The following RANBP10 variants were observed in gnomAD, a reference collection of about 807,000 sequenced individuals.
RANBP10 encodes the protein RAN binding protein 10, also known as ran-binding protein 10.
A neutral mutation model predicts 72.8 loss-of-function variants in RANBP10; 24 were observed. The observed-to-expected ratio is 0.33, with a 90% CI of 0.24 to 0.46. The LOEUF is 0.46. Ranked by LOEUF, RANBP10 falls within the 20% of genes least tolerant of loss-of-function variation. The pLI is 1.00. For synonymous variants in RANBP10, 310 were observed against 322.3 expected, an observed-to-expected ratio of 0.96 and a Z score of 0.41; for missense variants, 679 against 817.5, an observed-to-expected ratio of 0.83 and a Z score of 2.07.
At position 67,746,208 on chromosome 16, in the gene RANBP10, A is replaced by T. The variant is rs1432563548; in HGVS notation, c.401-1753T>A. On this transcript the variant is annotated intron_variant, in intron 3 of 13. Coordinates refer to ENST00000317506, the MANE Select transcript of RANBP10 (RefSeq NM_020850.3). ...AAAAATGAGCCAGGTGTGGCTGGGCATGGTGGCTCGCACCTGTAATCCCAG... is the reference window on the plus strand; with the variant it reads ...AAAAATGAGCCAGGTGTGGCTGGGCTTGGTGGCTCGCACCTGTAATCCCAG... Among the ~76,000 whole-genome samples the T allele has an allele frequency of 2.6e-5, 4 of 151,274 alleles. No homozygotes were observed. The East Asian group carries it at 7.9e-4, about 30-fold the overall frequency.
intron 3 of RANBP10, among the ~76,000 whole-genome samples, chr16:67,745,559 T>C (rs1273805392): frequency 2.0e-5 from 3 of 151,850 alleles, no homozygotes; most frequent in African/African-American, 7.3e-5. Flanking sequence ...GGTCTTGAAC[T>C]CCTGACCTCA....
chr16:67,780,535 G>A (rs1246789893), intron 2 of RANBP10, among the ~76,000 whole-genome samples: 1 of 152,142 alleles, frequency 6.6e-6, no homozygotes, highest in African/African-American at 2.4e-5. Flanking sequence ...ATCATTGGAA[G>A]CCAGGAGTGC....
At chr16:67,787,098 G>C (rs2054930169) in intron 2 of RANBP10, among the ~76,000 whole-genome samples, 1 of 152,098 alleles carries the variant, frequency 6.6e-6, no homozygotes, top group Non-Finnish European at 1.5e-5. Flanking sequence ...AATTAGCCAG[G>C]CGTGGTGGCA....
rs9674157 is a variant in RANBP10, at chr16:67,750,923, C to T, written c.401-6468G>A. ...CTGGGACTACAGGCACCCGCCACCACGCCTGGCTAATTTTTTGTATTTTTA... is the reference window on the plus strand; with the variant it reads ...CTGGGACTACAGGCACCCGCCACCATGCCTGGCTAATTTTTTGTATTTTTA... On this transcript the variant is annotated intron_variant, in intron 3 of 13. Coordinates refer to ENST00000317506, the MANE Select transcript of RANBP10 (RefSeq NM_020850.3). 7.0e-3 allele frequency among the ~76,000 whole-genome samples: 1,070 copies of T among 152,156 alleles called. 15 individuals carry two copies. Among genetic ancestry groups the T allele is most frequent in the African/African-American group, 0.023 (959 of 41,514 alleles).
chr16:67,747,399 T>C (rs2054103249), intron 3 of RANBP10, among the ~76,000 whole-genome samples: 1 of 152,260 alleles, frequency 6.6e-6, no homozygotes, highest in African/African-American at 2.4e-5. Context: ...TGCACTTGTT[T>C]ATCGTATTGC....
At chr16:67,735,107 C>A in intron 5 of RANBP10, 65 bp from the exon 6 acceptor site, 1 of 1,415,254 alleles carries the variant, frequency 7.1e-7, no homozygotes, top group Non-Finnish European at 9.5e-7. Flanking sequence ...CCTCACCTCA[C>A]CTCCATGGCT....
chr16:67,776,783 G>GAAAAAAAAAAA (rs2054714327), intron 2 of RANBP10, among the ~76,000 whole-genome samples: 1 of 128,932 alleles, frequency 7.8e-6, no homozygotes, highest in African/African-American at 2.9e-5. Context: ...AAAAAAAAAA[G>GAAAAAAAAAAA]AAAAAGAAAA....
chr16:67,726,232 G>A lies in RANBP10; in HGVS notation c.*196C>T. On this transcript the variant is annotated 3_prime_UTR_variant, in exon 14 of 14. Transcript: ENST00000317506. ...GTTACAGGCCGCTGCACGTGAAGGG[G>A]AGAGAGAGAGAGACTGAGCGGGGTG... 1 of 554,646 alleles carries A rather than the reference G, an allele frequency of 1.8e-6. No homozygotes were observed. Among genetic ancestry groups the A allele is most frequent in the Non-Finnish European group, 3.0e-6 (1 of 338,750 alleles). 34.4% of individuals were successfully genotyped at this position (554,646 alleles called of 1,614,324 possible). A position where few individuals can be genotyped will look rare whatever the true frequency, so the allele number is the denominator to read the frequency against.
In RANBP10 at chr16:67,730,785, G is replaced by A. The variant is rs561428402; in HGVS notation, c.889+687C>T. 3.3e-5 allele frequency among the ~76,000 whole-genome samples: 5 copies of A among 152,272 alleles called. No homozygotes were observed. The highest frequency in any genetic ancestry group is 6.8e-3 in the Middle Eastern group (2 of 294). On this transcript the variant is annotated intron_variant, in intron 7 of 13. Transcript: ENST00000317506. This position sits in a 1 kb window ranked among gnomAD's most constrained non-coding sequence, Gnocchi z 4.3. ...ATACAGAAGAGACAGCAGGCTTGGAGAGGGGTAGGCAGGCACTCACAGACA... is the reference window on the plus strand; with the variant it reads ...ATACAGAAGAGACAGCAGGCTTGGAAAGGGGTAGGCAGGCACTCACAGACA...
intron 6 of RANBP10, 49 bp from the exon 7 acceptor site, chr16:67,731,633 A>C: frequency 5.7e-5 from 81 of 1,410,352 alleles, no homozygotes; most frequent in Non-Finnish European, 7.4e-5. Context: ...TGCACTTCTC[A>C]CTGACTACCC....
chr16:67,737,682 C>T (rs1253682112), intron 5 of RANBP10, among the ~76,000 whole-genome samples: 1 of 152,116 alleles, frequency 6.6e-6, no homozygotes, highest in African/African-American at 2.4e-5. Flanking sequence ...CTACACTCTG[C>T]ACCCCAGCTG....
Position 67,725,296 on chromosome 16 carries a change from G to T in RANBP10, c.*1132C>A, listed in dbSNP as rs1174965297. 1 of 152,412 alleles carries T rather than the reference G, an allele frequency of 6.6e-6. No individual in the cohort carries two copies. Among genetic ancestry groups the T allele is most frequent in the Non-Finnish European group, 1.5e-5 (1 of 68,132 alleles). 9.4% of individuals were successfully genotyped at this position (152,412 alleles called of 1,614,324 possible). On this transcript the variant is annotated 3_prime_UTR_variant, in exon 14 of 14. Coordinates refer to ENST00000317506, the MANE Select transcript of RANBP10 (RefSeq NM_020850.3). ...CAGCCCAAGAACCTGCCTCCACAAG[G>T]TACTGGTTTCTCAACAGAAAGCATC...
Position 67,727,629 on chromosome 16 carries a change from C to T in RANBP10, c.1620+122G>A. ...ATGTCCAGTGGGCCCAGATGCCCCA[C>T]TTCCCTCTGCAGACCTGGCTGGAGC... On this transcript the variant is annotated intron_variant, in intron 12 of 13. Transcript: ENST00000317506. 2.0e-6 allele frequency: 3 copies of T among 1,494,092 alleles called. No homozygotes were observed. In the Admixed American group the frequency reaches 5.8e-5, roughly 29 times the overall value. 92.6% of individuals were successfully genotyped at this position (1,494,092 alleles called of 1,614,324 possible).
At chr16:67,780,758 G>C (rs2054795785) in intron 2 of RANBP10, among the ~76,000 whole-genome samples, 1 of 152,188 alleles carries the variant, frequency 6.6e-6, no homozygotes, top group South Asian at 2.1e-4. Context: ...TTAATTTATT[G>C]GGTGGGGGAG....
rs766706950 is a variant in RANBP10, at chr16:67,731,415, G to A, written c.889+57C>T. The A allele has an allele frequency of 6.9e-6, 10 of 1,448,612 alleles. No individual in the cohort carries two copies. The Admixed American group carries it at 1.7e-4, about 24-fold the overall frequency. 89.7% of individuals were successfully genotyped at this position (1,448,612 alleles called of 1,614,324 possible). ...GGTTAACCAGGGTTGACATGAGCCA[G>A]AGAGCAGAGTTAGGGACAGGTGAGG... On this transcript the variant is annotated intron_variant, in intron 7 of 13. Coordinates refer to ENST00000317506, the MANE Select transcript of RANBP10 (RefSeq NM_020850.3).
chr16:67,796,264 G>A (rs1443950280), intron 2 of RANBP10, among the ~76,000 whole-genome samples: 1 of 152,264 alleles, frequency 6.6e-6, no homozygotes, highest in East Asian at 1.9e-4. Context: ...AACTACTGGT[G>A]CAAGTTGTTA....
At chr16:67,727,639 C>T in intron 12 of RANBP10, 112 bp downstream of exon 12, 3 of 1,527,924 alleles carry the variant, frequency 2.0e-6, no homozygotes, top group Non-Finnish European at 8.9e-7. Flanking sequence ...CTTCCCTCTG[C>T]AGACCTGGCT....
At chr16:67,737,083 C>T (rs796711424) in intron 5 of RANBP10, among the ~76,000 whole-genome samples, 6 of 144,114 alleles carry the variant, frequency 4.2e-5, no homozygotes. Flanking sequence ...AGTACAGGTG[C>T]GGGATGGCTG....
At chr16:67,771,934 A>G (rs2054614317) in intron 3 of RANBP10, 100 bp downstream of exon 3, 1 of 1,387,568 alleles carries the variant, frequency 7.2e-7, no homozygotes, top group East Asian at 2.3e-5. Context: ...GTAGGCAGCT[A>G]GCAAACAAAG....
Sources: allele counts gnomAD v4.1 joint callset (sites outside exome capture counted in the v4.1 genomes callset), GRCh38; gene constraint gnomAD v4.1.1; non-coding constraint Gnocchi (gnomAD v3.1); transcripts MANE v1.5; gene names NCBI Gene and HGNC (gene_info 2026-07-23, HGNC 2026-07-21).